The following KLHDC4 variants were observed in gnomAD, a reference collection of about 807,000 sequenced individuals.
KLHDC4 encodes kelch domain containing 4, also known as kelch domain-containing protein 4.
Under a neutral mutation model 62.4 loss-of-function variants are expected in KLHDC4, and 90 were observed. The observed-to-expected ratio is 1.44, with a 90% confidence interval of 1.22 to 1.72. The LOEUF is 1.72. Ranked by LOEUF, KLHDC4 falls within the 40% of genes most tolerant of loss-of-function variation. The pLI is 0.00. For missense variants in KLHDC4, 1,025 were observed against 699.7 expected, an observed-to-expected ratio of 1.47 and a Z score of -5.25; for synonymous variants, 386 against 284.4, an observed-to-expected ratio of 1.36 and a Z score of -3.59.
intron 5 of KLHDC4, chr16:87,747,458 G>A (rs530989707): frequency 6.6e-6 from 1 of 152,222 alleles, no homozygotes; most frequent in East Asian, 1.9e-4. Context: ...TCCATTTTTA[G>A]CATGAAAGTA....
chr16:87,758,666 T>C (rs8063789), intron 2 of KLHDC4, among the ~76,000 whole-genome samples: 87,506 of 151,920 alleles, frequency 0.58, 26,338 homozygotes, highest in East Asian at 0.75. Context: ...ACACTAACAA[T>C]AGCTGATGAG....
rs548597605 is a variant in KLHDC4 at position 87,755,348 on chromosome 16, G to A, written c.271-56C>T. On this transcript the variant is annotated intron_variant, in intron 3 of 11. Coordinates refer to ENST00000270583, the MANE Select transcript of KLHDC4 (RefSeq NM_017566.4). ...CAAATGATACGCTTCCAAGGAAGTGGTGAGAACAATCTTAATCATGACAAT... is the reference window on the plus strand; with the variant it reads ...CAAATGATACGCTTCCAAGGAAGTGATGAGAACAATCTTAATCATGACAAT... 3.2e-6 allele frequency: 3 copies of A among 933,938 alleles called. No individual in the cohort carries two copies. In the South Asian group the frequency reaches 4.1e-5, roughly 13 times the overall value. The allele number at this position is 933,938 out of a possible 1,614,324, so 57.9% of individuals were successfully genotyped here.
chr16:87,713,679 C>T (rs542699970), intron 8 of KLHDC4, among the ~76,000 whole-genome samples: 4 of 152,066 alleles, frequency 2.6e-5, no homozygotes, highest in African/African-American at 4.8e-5. Context: ...ACATGACCCA[C>T]GCCCAGGAAC....
At chr16:87,753,016 C>G (rs2044268906) in intron 4 of KLHDC4, among the ~76,000 whole-genome samples, 1 of 152,212 alleles carries the variant, frequency 6.6e-6, no homozygotes, top group Admixed American at 6.5e-5. Context: ...ATGACTCCAG[C>G]CCCTGCAGGC....
At chr16:87,716,405 C>T (rs1280810921) in intron 7 of KLHDC4, among the ~76,000 whole-genome samples, 1 of 152,192 alleles carries the variant, frequency 6.6e-6, no homozygotes, top group African/African-American at 2.4e-5. Context: ...TCTATCACTA[C>T]CCATCTTTGT....
At chr16:87,716,196 C>T (rs896768392) in intron 7 of KLHDC4, among the ~76,000 whole-genome samples, 1 of 149,750 alleles carries the variant, frequency 6.7e-6, no homozygotes, top group Non-Finnish European at 1.5e-5. Flanking sequence ...TTTGGGTACA[C>T]GCTATGGTCT....
At chr16:87,716,575 C>G (rs1230814598) in intron 7 of KLHDC4, among the ~76,000 whole-genome samples, 1 of 152,130 alleles carries the variant, frequency 6.6e-6, no homozygotes, top group Non-Finnish European at 1.5e-5. Flanking sequence ...CTGCTCGGCC[C>G]TACGATTCGC....
At chr16:87,716,127 T>C (rs1410827621) in intron 7 of KLHDC4, among the ~76,000 whole-genome samples, 1 of 150,094 alleles carries the variant, frequency 6.7e-6, no homozygotes, top group Non-Finnish European at 1.5e-5. Context: ...CACTATGGTC[T>C]TGTGGATATT....
chr16:87,700,989 G>C (rs1264398331), exon 1 of KLHDC4: 3 of 215,180 alleles, frequency 1.4e-5, no homozygotes, highest in African/African-American at 2.4e-5. Context: ...CGCAGAAACT[G>C]AGGAAGCGAC....
At chr16:87,703,946 C>T (rs1189460909), downstream of KLHDC4, among the ~76,000 whole-genome samples, 1 of 152,204 alleles carries the variant, frequency 6.6e-6, no homozygotes, top group East Asian at 1.9e-4. Context: ...CCTCCAGCGC[C>T]CCCGGCCTCC....
chr16:87,717,401 C>T (rs539734527), intron 7 of KLHDC4, among the ~76,000 whole-genome samples: 2 of 152,256 alleles, frequency 1.3e-5, no homozygotes, highest in African/African-American at 4.8e-5. Context: ...AAAACATTTT[C>T]CTTTTGAAAC....
Position 87,709,449 on chromosome 16 carries a change from C to T in KLHDC4, c.1263G>A (p.Glu421=). The change falls in exon 10 of 12, where the codon GAG becomes GAA. Residue 421 remains glutamate, a synonymous_variant. Coordinates refer to ENST00000270583, the MANE Select transcript of KLHDC4 (RefSeq NM_017566.4). ...PRSEDEDSLE[E]AGSPAPGPCP... ...ACGGCCCAGGTGCGGGGCTGCCGGC[C>T]TCCTCAAGGCTGTCTTCGTCCTCAG... The T allele has an allele frequency of 6.2e-7, 1 of 1,612,266 alleles. No homozygotes were observed. The highest frequency in any genetic ancestry group is 8.5e-7 in the Non-Finnish European group (1 of 1,179,906).
At chr16:87,725,329 C>T (rs2039160495) in intron 7 of KLHDC4, among the ~76,000 whole-genome samples, 1 of 152,296 alleles carries the variant, frequency 6.6e-6, no homozygotes, top group East Asian at 1.9e-4. Flanking sequence ...CCACGCCCGG[C>T]TAATTTTTTG....
chr16:87,724,577 T>C (rs2039007213), intron 7 of KLHDC4, among the ~76,000 whole-genome samples: 1 of 152,128 alleles, frequency 6.6e-6, no homozygotes, highest in Non-Finnish European at 1.5e-5. Flanking sequence ...GACAAGCTCA[T>C]GAAAAGCACT....
At chr16:87,749,867 C>T (rs1017172794) in intron 4 of KLHDC4, among the ~76,000 whole-genome samples, 1 of 152,230 alleles carries the variant, frequency 6.6e-6, no homozygotes, top group African/African-American at 2.4e-5. Context: ...CACGAACCAC[C>T]ACACCCAGCC....
intron 5 of KLHDC4, among the ~76,000 whole-genome samples, chr16:87,744,762 A>C (rs1311941889): frequency 6.6e-6 from 1 of 152,256 alleles, no homozygotes; most frequent in African/African-American, 2.4e-5. Flanking sequence ...AATGAATCAG[A>C]AAAAACCTCA....
chr16:87,715,718 G>A (rs1440585119), intron 7 of KLHDC4, among the ~76,000 whole-genome samples: 1 of 152,198 alleles, frequency 6.6e-6, no homozygotes. Flanking sequence ...ATCCCATCAA[G>A]GGTCCACACC....
intron 2 of KLHDC4, 119 bp from the exon 3 acceptor site, chr16:87,756,596 G>C (rs1212628666): frequency 1.4e-6 from 1 of 700,332 alleles, no homozygotes; most frequent in Non-Finnish European, 2.5e-6. Context: ...CTTCCTGAAA[G>C]GAGAGCCTGG....
intron 4 of KLHDC4, 46 bp from the exon 5 acceptor site, chr16:87,748,855 A>G: frequency 6.2e-7 from 1 of 1,608,294 alleles, no homozygotes; most frequent in Non-Finnish European, 8.5e-7. Context: ...ACACAGCAGA[A>G]GGGCCAGTGT....
Sources: gnomAD v4.1 joint callset for allele counts (sites outside exome capture counted in the v4.1 genomes callset) on GRCh38, gnomAD v4.1.1 for gene constraint, MANE v1.5 for transcripts, NCBI Gene and HGNC (gene_info 2026-07-23, HGNC 2026-07-21) for gene names.